The following RORA variants were observed in gnomAD, a reference collection of about 807,000 sequenced individuals.
RORA encodes nuclear receptor ROR-alpha.
Under a neutral mutation model 69.5 loss-of-function variants are expected in RORA, and 7 were observed. The ratio of observed to expected loss-of-function variants is 0.10; its 90% CI spans 0.06 to 0.19. The LOEUF is 0.19. Among genes scored for constraint, RORA ranks in the 10% least tolerant of loss-of-function variants. RORA has a pLI of 1.00. For synonymous variants in RORA, 261 were observed against 240.8 expected (o/e 1.08, Z -0.78); for missense variants, 457 against 663.0 (o/e 0.69, Z 3.41).
chr15:60,544,446 T>C (rs890733671), intron 2 of RORA, among the ~76,000 whole-genome samples: 1 of 152,214 alleles, frequency 6.6e-6, no homozygotes, highest in African/African-American at 2.4e-5. Context: ...ACCGTTTTTA[T>C]ACACCGAACC....
rs1459360047 is a variant in RORA at position 60,493,606 on chromosome 15, G to C, written c.*3849C>G. ...TGAAATAAAAAGTTTTCCAAAGACA[G>C]ATAGACAAATTCCATCAAGAAAATA... On this transcript the variant is annotated 3_prime_UTR_variant, in exon 11 of 11. Coordinates refer to ENST00000335670, the MANE Select transcript of RORA (RefSeq NM_134261.3). 1 of 151,408 alleles carries C rather than the reference G, an allele frequency of 6.6e-6. No individual in the cohort carries two copies. Among genetic ancestry groups the C allele is most frequent in the African/African-American group, 2.4e-5 (1 of 41,316 alleles). The allele number at this position is 151,408 out of a possible 1,614,324, so 9.4% of individuals were successfully genotyped here.
chr15:61,195,163 C>A (rs2079836129), intron 1 of RORA, among the ~76,000 whole-genome samples: 1 of 152,060 alleles, frequency 6.6e-6, no homozygotes, highest in Non-Finnish European at 1.5e-5. Context: ...GTTCTTCTGA[C>A]TCTGTAAGAT....
At chr15:60,505,968 C>T (rs185824098) in intron 5 of RORA, among the ~76,000 whole-genome samples, 227 of 152,294 alleles carry the variant, frequency 1.5e-3, no homozygotes, top group Non-Finnish European at 2.8e-3. Context: ...TTCTTCTTGG[C>T]ATTTTTATGA....
rs2071683622 is a variant in RORA at position 60,748,797 on chromosome 15, A to G, written c.167-70111T>C. ...ACGGGAAGTTGGGGTATGTTTCAGC[A>G]ACACCTCCCTGTTTAAGGGGGAGAT... On this transcript the variant is annotated intron_variant, in intron 1 of 10. Coordinates refer to ENST00000335670, the MANE Select transcript of RORA (RefSeq NM_134261.3). 2.0e-5 allele frequency among the ~76,000 whole-genome samples: 3 copies of G among 152,162 alleles called. No individual in the cohort carries two copies. The South Asian group carries it at 6.2e-4, about 32-fold the overall frequency.
chr15:60,548,348 A>T (rs1417696102), intron 2 of RORA, among the ~76,000 whole-genome samples: 1 of 152,082 alleles, frequency 6.6e-6, no homozygotes, highest in African/African-American at 2.4e-5. Context: ...GTCTCCATGA[A>T]CACTGCAGTC....
chr15:60,930,606 T>C (rs1274838210), intron 1 of RORA, among the ~76,000 whole-genome samples: 2 of 152,166 alleles, frequency 1.3e-5, no homozygotes, highest in African/African-American at 4.8e-5. Flanking sequence ...CCTTCCCACT[T>C]TGGAATTAAT....
At chr15:60,695,697 C>A (rs906685154) in intron 1 of RORA, among the ~76,000 whole-genome samples, 1 of 152,078 alleles carries the variant, frequency 6.6e-6, no homozygotes, top group African/African-American at 2.4e-5. Context: ...TCAGCCAGCG[C>A]AACATTCTCA....
At chr15:60,879,969 T>C (rs1359525343) in intron 1 of RORA, among the ~76,000 whole-genome samples, 1 of 152,072 alleles carries the variant, frequency 6.6e-6, no homozygotes, top group Non-Finnish European at 1.5e-5. Flanking sequence ...ATAAAGGAGA[T>C]TTATAAAATC....
chr15:60,816,531 G>A (rs1283510633), intron 1 of RORA, among the ~76,000 whole-genome samples: 1 of 83,738 alleles, frequency 1.2e-5, no homozygotes, highest in Non-Finnish European at 2.3e-5. Flanking sequence ...TTTATATACT[G>A]TAAACAGTAT....
intron 1 of RORA, among the ~76,000 whole-genome samples, chr15:61,184,057 T>C (rs2079715385): frequency 6.6e-6 from 1 of 152,194 alleles, no homozygotes. Context: ...CCAGTTCCCA[T>C]GTCCACAGAA....
chr15:60,955,744 G>A (rs1479713803), intron 1 of RORA, among the ~76,000 whole-genome samples: 1 of 152,196 alleles, frequency 6.6e-6, no homozygotes. Context: ...GGTGGAGCAA[G>A]AGGAGTCAGG....
chr15:60,748,897 G>A (rs528773549), intron 1 of RORA, among the ~76,000 whole-genome samples: 16 of 152,140 alleles, frequency 1.1e-4, no homozygotes, highest in East Asian at 1.9e-4. Context: ...TCCAGTACAC[G>A]GAGGAACTCT....
At chr15:61,033,005 G>A (rs1006179497) in intron 1 of RORA, among the ~76,000 whole-genome samples, 2 of 152,188 alleles carry the variant, frequency 1.3e-5, no homozygotes, top group African/African-American at 2.4e-5. Flanking sequence ...ACAACTCTGC[G>A]AGGTAGGCAT....
chr15:60,558,102 AGATTTTTGTCTAGAAG>A (rs2067420491), intron 2 of RORA: 2 of 559,308 alleles, frequency 3.6e-6, no homozygotes, highest in East Asian at 6.3e-5. Flanking sequence ...GAGAAAACCA[AGATTTTTGTCTAGAAG>A]TATGCCCAGT....
At chr15:60,977,009 C>A (rs374205225) in intron 1 of RORA, among the ~76,000 whole-genome samples, 6 of 151,754 alleles carry the variant, frequency 4.0e-5, no homozygotes, top group East Asian at 3.9e-4. Context: ...GTTGTGCTGA[C>A]ACACATATGA....
chr15:60,734,182 C>T (rs1045122279), intron 1 of RORA, among the ~76,000 whole-genome samples: 3 of 152,134 alleles, frequency 2.0e-5, no homozygotes, highest in South Asian at 2.1e-4. Context: ...ACCCCTAAAT[C>T]AGTGTTCTCC....
At chr15:60,695,368 C>CT (rs933217700) in intron 1 of RORA, among the ~76,000 whole-genome samples, 1 of 151,920 alleles carries the variant, frequency 6.6e-6, no homozygotes, top group Non-Finnish European at 1.5e-5. Context: ...ACCCTGTTGA[C>CT]TTTTTTTTGA....
chr15:60,714,325 C>T (rs926130879), intron 1 of RORA, among the ~76,000 whole-genome samples: 1 of 152,022 alleles, frequency 6.6e-6, no homozygotes, highest in South Asian at 2.1e-4. Context: ...TCCCAAAGTG[C>T]TGGGATTACA....
At chr15:60,681,164 A>C (rs1235140970) in intron 1 of RORA, among the ~76,000 whole-genome samples, 2 of 152,236 alleles carry the variant, frequency 1.3e-5, no homozygotes, top group Non-Finnish European at 2.9e-5. Context: ...ATTCCATAGA[A>C]GTACCAAAAA....
Sources: gnomAD v4.1 joint callset for allele counts (sites outside exome capture counted in the v4.1 genomes callset) on GRCh38, gnomAD v4.1.1 for gene constraint, MANE v1.5 for transcripts, NCBI Gene and HGNC (gene_info 2026-07-23, HGNC 2026-07-21) for gene names.